Variants in KIF24 observed in about 807,000 individuals in gnomAD.
KIF24 encodes kinesin-like protein KIF24.
In KIF24, 81 loss-of-function variants were observed where a neutral mutation model predicts 118.9. The ratio of observed to expected loss-of-function variants is 0.68; its 90% CI spans 0.57 to 0.82. The LOEUF (loss-of-function observed/expected upper bound fraction) is 0.82, where lower values mean the gene tolerates loss of function less well. Ranked by LOEUF, KIF24 falls within the 40% of genes least tolerant of loss-of-function variation. The probability of loss-of-function intolerance (pLI) is 0.00; values close to 1 mark genes in which losing one functional copy is unlikely to be tolerated. For synonymous variants in KIF24, 599 were observed against 610.0 expected (o/e 0.98, Z 0.27); for missense variants, 1,560 against 1,661.6 (o/e 0.94, Z 1.06).
intron 1 of KIF24, among the ~76,000 whole-genome samples, chr9:34,320,233 G>T (rs1306138066): frequency 6.7e-6 from 1 of 149,878 alleles, no homozygotes; most frequent in Non-Finnish European, 1.5e-5. Flanking sequence ...TTCTTTTTTA[G>T]TTCTTCAAAG....
At chr9:34,262,696 A>G (rs1327668972) in intron 9 of KIF24, among the ~76,000 whole-genome samples, 2 of 52,696 alleles carry the variant, frequency 3.8e-5, no homozygotes, top group Non-Finnish European at 7.8e-5. Context: ...ATATATATAT[A>G]TATATATATA....
At chr9:34,295,870 G>A (rs1243980352) in intron 4 of KIF24, among the ~76,000 whole-genome samples, 1 of 151,690 alleles carries the variant, frequency 6.6e-6, no homozygotes, top group Non-Finnish European at 1.5e-5. Context: ...ATGCAACAGA[G>A]GCCCTTACTA....
chr9:34,259,057 G>C (rs754568930), intron 10 of KIF24, among the ~76,000 whole-genome samples: 10 of 152,148 alleles, frequency 6.6e-5, no homozygotes, highest in Non-Finnish European at 1.2e-4. Context: ...CCCACAAAGA[G>C]GCCTGGCCAG....
At chr9:34,317,365 G>A (rs1303729846) in intron 1 of KIF24, among the ~76,000 whole-genome samples, 2 of 151,670 alleles carry the variant, frequency 1.3e-5, no homozygotes, top group African/African-American at 4.8e-5. Context: ...ACTCCAGCCT[G>A]GGCGACAGAA....
intron 5 of KIF24, among the ~76,000 whole-genome samples, chr9:34,288,850 A>C (rs1295878126): frequency 6.1e-5 from 1 of 16,458 alleles, no homozygotes; most frequent in African/African-American, 9.8e-5. Context: ...CAAATAAACC[A>C]CACACACACA....
At chr9:34,317,635 C>T (rs1837370773) in intron 1 of KIF24, among the ~76,000 whole-genome samples, 1 of 152,166 alleles carries the variant, frequency 6.6e-6, no homozygotes, top group African/African-American at 2.4e-5. Flanking sequence ...GAATGTCAAT[C>T]ATCCCACTGT....
intron 3 of KIF24, among the ~76,000 whole-genome samples, chr9:34,304,224 C>T (rs1836831421): frequency 6.6e-6 from 1 of 152,124 alleles, no homozygotes; most frequent in Non-Finnish European, 1.5e-5. Flanking sequence ...ATAAACCTAC[C>T]TTTTCTTCTT....
intron 1 of KIF24, among the ~76,000 whole-genome samples, chr9:34,313,318 T>C (rs960161086): frequency 1.3e-5 from 2 of 152,146 alleles, no homozygotes; most frequent in African/African-American, 4.8e-5. Flanking sequence ...CCCAAATATC[T>C]GGGCAAAGCC....
rs373757425 is a variant in KIF24 at position 34,311,307 on chromosome 9, G to A, written c.40C>T (p.Leu14Phe). The A allele has an allele frequency of 7.5e-6, 12 of 1,591,560 alleles. No homozygotes were observed. In the African/African-American group the frequency reaches 1.4e-4, roughly 18 times the overall value. The change falls in exon 2 of 13, where the codon CTT becomes TTT. Residue 14 changes from leucine (L) to phenylalanine (F), a missense_variant. Physicochemically the swap from Leu to Phe is conservative, Grantham distance 22. Around this residue, in one of 3 missense-constraint regions of KIF24, gnomAD observed 964 missense variants for 988.0 expected, o/e 0.98. Coordinates refer to ENST00000402558, the MANE Select transcript of KIF24 (RefSeq NM_194313.4). ...WLYECLCEAE[L>F]AQYYSHFTAL... ...GTGAAATGAGAATAATACTGTGCAA[G>A]TTCAGCTTCACAAAGACATTCATAT...
chr9:34,293,996 G>T (rs942529083), intron 4 of KIF24, among the ~76,000 whole-genome samples: 7 of 152,176 alleles, frequency 4.6e-5, no homozygotes, highest in African/African-American at 1.2e-4. Context: ...TTGAGACAGG[G>T]TCTTGCTCTG....
intron 11 of KIF24, among the ~76,000 whole-genome samples, 190 bp downstream of exon 11, chr9:34,255,545 A>G (rs1834792805): frequency 6.6e-6 from 1 of 152,182 alleles, no homozygotes; most frequent in Non-Finnish European, 1.5e-5. Context: ...GATGGAGCCT[A>G]TTGCCTGGTC....
intron 8 of KIF24, among the ~76,000 whole-genome samples, chr9:34,265,894 G>A (rs1386488987): frequency 6.6e-6 from 1 of 151,512 alleles, no homozygotes; most frequent in East Asian, 1.9e-4. Context: ...TTCTTCAGAC[G>A]AGACAGTTTA....
At chr9:34,270,503 G>A (rs74857013) in intron 7 of KIF24, among the ~76,000 whole-genome samples, 4 of 144,620 alleles carry the variant, frequency 2.8e-5, no homozygotes, top group Admixed American at 7.0e-5. Context: ...GCAATAGAGC[G>A]AGACTCCGTC....
chr9:34,286,682 T>C lies in KIF24; in HGVS notation c.1150A>G (p.Lys384Glu), dbSNP rs772007251. Residue 384 changes from lysine (K) to glutamate (E), a missense_variant, in exon 6 of 13, where the codon AAG (lysine) becomes GAG (glutamate). By Grantham distance (56) the Lys-to-Glu change is moderately conservative (BLOSUM62 1). Transcript: ENST00000402558. ...AGTCCCACTATCTGCACCATGTGCT[T>C]GCTATCTTCTCTTGCAAAGAGCCTG... Reference protein sequence around the residue: ...RKRLFAREDSKHMVQIVGLQE... With the variant: ...RKRLFAREDSEHMVQIVGLQE... 1 of 1,613,340 alleles carries C rather than the reference T, an allele frequency of 6.2e-7. No homozygotes were observed. The highest frequency in any genetic ancestry group is 1.7e-5 in the Admixed American group (1 of 60,024).
chr9:34,319,303 G>C, intron 1 of KIF24: 2 of 977,266 alleles, frequency 2.0e-6, no homozygotes, highest in Non-Finnish European at 3.3e-6. Flanking sequence ...GCAGAAGCCT[G>C]TCGCCATCTC....
chr9:34,271,580 A>C (rs1273243971), intron 7 of KIF24, among the ~76,000 whole-genome samples: 1 of 152,166 alleles, frequency 6.6e-6, no homozygotes, highest in Non-Finnish European at 1.5e-5. Context: ...AGAAGCAATC[A>C]ATGTCCCTTT....
At chr9:34,321,605 T>TC (rs1402528774) in intron 1 of KIF24, among the ~76,000 whole-genome samples, 1 of 89,462 alleles carries the variant, frequency 1.1e-5, no homozygotes, top group Admixed American at 1.3e-4. Flanking sequence ...TACTTCTTCT[T>TC]TTTTTTTTTT....
intron 1 of KIF24, among the ~76,000 whole-genome samples, chr9:34,317,883 A>AT (rs2131826376): frequency 6.6e-6 from 1 of 152,342 alleles, no homozygotes; most frequent in South Asian, 2.1e-4. Context: ...TGCATAACCT[A>AT]TAATAGGGGT....
At chr9:34,280,403 T>TAG (rs1225544441) in intron 6 of KIF24, among the ~76,000 whole-genome samples, 1 of 151,890 alleles carries the variant, frequency 6.6e-6, no homozygotes, top group East Asian at 1.9e-4. Flanking sequence ...TGAAGAGTCT[T>TAG]CTTCTGAGTG....
Sources: gnomAD v4.1 joint callset for allele counts (sites outside exome capture counted in the v4.1 genomes callset) on GRCh38, gnomAD v4.1.1 for gene constraint, gnomAD v4.1.1 regional missense constraint, MANE v1.5 for transcripts, NCBI Gene and HGNC (gene_info 2026-07-23, HGNC 2026-07-21) for gene names.